The following TULP3 variants were observed in gnomAD, a reference collection of about 807,000 sequenced individuals.
TULP3 encodes tubby-related protein 3.
A neutral mutation model predicts 50.7 loss-of-function variants in TULP3; 38 were observed. The observed-to-expected ratio is 0.75, with a 90% CI of 0.58 to 0.98. The LOEUF is 0.98. Ranked by LOEUF, TULP3 falls within the 50% of genes least tolerant of loss-of-function variation. The pLI is 0.00. For missense variants in TULP3, 550 were observed against 568.0 expected, an observed-to-expected ratio of 0.97 and a Z score of 0.32; for synonymous variants, 183 against 196.6, an observed-to-expected ratio of 0.93 and a Z score of 0.58.
chr12:2,907,055 C>T (rs1184232284), intron 1 of TULP3, among the ~76,000 whole-genome samples: 1 of 151,326 alleles, frequency 6.6e-6, no homozygotes, highest in African/African-American at 2.4e-5. Flanking sequence ...TACTGATACA[C>T]GGCCAGGTGC....
chr12:2,940,972 G>T lies in TULP3; in HGVS notation c.*1528G>T. On this transcript the variant is annotated 3_prime_UTR_variant, in exon 11 of 11. Coordinates refer to ENST00000448120, the MANE Select transcript of TULP3 (RefSeq NM_003324.5). ...TAATACACGACAGCATGTGGGGAAGGACTTATGGTGGGCCAGGTGGACCTC... is the reference window on the plus strand; with the variant it reads ...TAATACACGACAGCATGTGGGGAAGTACTTATGGTGGGCCAGGTGGACCTC... The T allele has an allele frequency of 2.1e-6, 1 of 472,924 alleles. No homozygotes were observed. Among genetic ancestry groups the T allele is most frequent in the South Asian group, 3.8e-5 (1 of 26,098 alleles). The allele number at this position is 472,924 out of a possible 1,614,324, so 29.3% of individuals were successfully genotyped here.
At chr12:2,913,551 A>G (rs1565501209) in intron 2 of TULP3, among the ~76,000 whole-genome samples, 1 of 152,120 alleles carries the variant, frequency 6.6e-6, no homozygotes, top group Non-Finnish European at 1.5e-5. Context: ...GGCATGAGCC[A>G]TCATGCCTGG....
chr12:2,900,085 C>T (rs1460730488), intron 1 of TULP3, among the ~76,000 whole-genome samples: 1 of 151,156 alleles, frequency 6.6e-6, no homozygotes, highest in African/African-American at 2.4e-5. Flanking sequence ...ATTAACCAGG[C>T]GTGGTCGCAC....
intron 1 of TULP3, among the ~76,000 whole-genome samples, chr12:2,903,082 G>C (rs1033191171): frequency 6.6e-6 from 1 of 151,274 alleles, no homozygotes; most frequent in Non-Finnish European, 1.5e-5. Context: ...GGCTGGTCTC[G>C]AACTCCTGAC....
At chr12:2,924,862 AAATTAAAAATAAAAATT>A (rs1393119965) in intron 4 of TULP3, among the ~76,000 whole-genome samples, 4 of 151,988 alleles carry the variant, frequency 2.6e-5, no homozygotes, top group East Asian at 1.9e-4. Flanking sequence ...CAAAAAATAA[AAATTAAAAATAAAAATT>A]AATTAAAAAA....
intron 4 of TULP3, among the ~76,000 whole-genome samples, chr12:2,927,281 A>G (rs553330448): frequency 6.7e-6 from 1 of 149,756 alleles, no homozygotes; most frequent in Non-Finnish European, 1.5e-5. Context: ...TGGACGTTTG[A>G]TTGTTCCCAC....
chr12:2,939,210 G>C lies in TULP3; in HGVS notation c.1196-101G>C. 7.4e-7 allele frequency: 1 copy of C among 1,357,834 alleles called. No homozygotes were observed. The highest frequency in any genetic ancestry group is 1.0e-6 in the Non-Finnish European group (1 of 982,524). The allele number at this position is 1,357,834 out of a possible 1,614,324, so 84.1% of individuals were successfully genotyped here. A position where few individuals can be genotyped will look rare whatever the true frequency, so the allele number is the denominator to read the frequency against. On this transcript the variant is annotated intron_variant, in intron 10 of 10. Coordinates refer to ENST00000448120, the MANE Select transcript of TULP3 (RefSeq NM_003324.5). The surrounding 1 kb of genome is among the most constrained non-coding windows in gnomAD (Gnocchi z 4.0). ...CATTCCACTAGGCTCCAGCCAGGGC[G>C]ACAGAGCAAAACCCCATCTAAGAAA... is the stretch of plus-strand genomic sequence containing the variant.
rs529878507 is a variant in TULP3, at chr12:2,921,745, C to T, written c.254-517C>T. 8.5e-5 allele frequency among the ~76,000 whole-genome samples: 13 copies of T among 152,202 alleles called. No homozygotes were observed. The South Asian group carries it at 2.7e-3, about 32-fold the overall frequency. ...TCTGAAGTACATATTACTTCAGTTA[C>T]TGAAGTACAAGTACATATGACTTTA... On this transcript the variant is annotated intron_variant, in intron 3 of 10. Coordinates refer to ENST00000448120, the MANE Select transcript of TULP3 (RefSeq NM_003324.5).
chr12:2,905,436 C>T (rs565141312), intron 1 of TULP3, among the ~76,000 whole-genome samples: 41 of 152,138 alleles, frequency 2.7e-4, no homozygotes, highest in Non-Finnish European at 4.6e-4. Flanking sequence ...CACCTGCCTC[C>T]GCCTCCCAAA....
chr12:2,918,355 G>T (rs563135829), intron 2 of TULP3, among the ~76,000 whole-genome samples: 222 of 151,642 alleles, frequency 1.5e-3, no homozygotes, highest in African/African-American at 5.0e-3. Flanking sequence ...CAGGTAATCC[G>T]CCCACCTCGA....
chr12:2,906,308 G>A (rs2098182200), intron 1 of TULP3, among the ~76,000 whole-genome samples: 1 of 151,534 alleles, frequency 6.6e-6, no homozygotes, highest in Admixed American at 6.6e-5. Context: ...GGGAATACAG[G>A]CGTGAGCCAC....
At chr12:2,914,282 G>A (rs950358223) in intron 2 of TULP3, among the ~76,000 whole-genome samples, 3 of 151,930 alleles carry the variant, frequency 2.0e-5, no homozygotes, top group Non-Finnish European at 2.9e-5. Context: ...GTGCCACCAC[G>A]CCCAGCTAAT....
chr12:2,893,888 C>T (rs1416660169), intron 1 of TULP3, among the ~76,000 whole-genome samples: 1 of 151,414 alleles, frequency 6.6e-6, no homozygotes, highest in South Asian at 2.1e-4. Context: ...AAGTGATCCT[C>T]CTGCCTCAGC....
In TULP3 at chr12:2,890,916, T is replaced by C. The variant is rs780798888; in HGVS notation, c.-32T>C. The C allele has an allele frequency of 3.8e-6, 6 of 1,578,210 alleles. No homozygotes were observed. The highest frequency in any genetic ancestry group is 4.3e-6 in the Non-Finnish European group (5 of 1,162,640). ...ACTCTAGCGACGGCGGGGAAGAGTG[T>C]GTACGTGGTGGGGGCTTCCTCGGTG... On this transcript the variant is annotated 5_prime_UTR_variant, in exon 1 of 11. Transcript: ENST00000448120.
chr12:2,937,533 C>T, intron 8 of TULP3, 98 bp from the exon 9 acceptor site: 4 of 883,760 alleles, frequency 4.5e-6, no homozygotes, highest in Non-Finnish European at 7.4e-6. Context: ...CTGATATTGT[C>T]AGCATCTTAC....
At chr12:2,902,362 G>A (rs2098179764) in intron 1 of TULP3, among the ~76,000 whole-genome samples, 1 of 152,162 alleles carries the variant, frequency 6.6e-6, no homozygotes, top group Non-Finnish European at 1.5e-5. Flanking sequence ...CTGCTCACAG[G>A]CTTTATTTTT....
chr12:2,906,776 C>T (rs1044452442), intron 1 of TULP3, among the ~76,000 whole-genome samples: 10 of 148,976 alleles, frequency 6.7e-5, no homozygotes, highest in African/African-American at 1.7e-4. Context: ...ATTAGCCGGG[C>T]GTGGTGGCAC....
At chr12:2,933,223 G>A (rs984741239) in intron 6 of TULP3, among the ~76,000 whole-genome samples, 195 bp from the exon 7 acceptor site, 2 of 152,166 alleles carry the variant, frequency 1.3e-5, no homozygotes, top group Non-Finnish European at 2.9e-5. Flanking sequence ...TTACAGGCGT[G>A]AGCCACCACA....
At chr12:2,894,735 A>G (rs12581599) in intron 1 of TULP3, among the ~76,000 whole-genome samples, 24,966 of 151,916 alleles carry the variant, frequency 0.16, 2,396 homozygotes, top group South Asian at 0.26. Context: ...CTCTACTAAA[A>G]ATACAAAAAT....
Sources: gnomAD v4.1 joint callset for allele counts (sites outside exome capture counted in the v4.1 genomes callset) on GRCh38, gnomAD v4.1.1 for gene constraint, Gnocchi (gnomAD v3.1) non-coding constraint, MANE v1.5 for transcripts, NCBI Gene and HGNC (gene_info 2026-07-23, HGNC 2026-07-21) for gene names.